NLGN1: variants seen among roughly 807,000 people sequenced by gnomAD.
The protein encoded by NLGN1 is neuroligin-1.
NLGN1 carries 12 observed loss-of-function variants against 65.5 expected under a neutral mutation model. The observed-to-expected ratio is 0.18, with a 90% CI of 0.12 to 0.30. The LOEUF is 0.30. NLGN1 is among the 10% of genes least tolerant of loss of function. The probability of loss-of-function intolerance (pLI) is 1.00; values close to 1 mark genes in which losing one functional copy is unlikely to be tolerated. For synonymous variants in NLGN1, 350 were observed against 359.5 expected, an observed-to-expected ratio of 0.97 and a Z score of 0.30; for missense variants, 750 against 1,007.1, an observed-to-expected ratio of 0.74 and a Z score of 3.46.
chr3:173,942,321 T>G (rs905309892), intron 4 of NLGN1, among the ~76,000 whole-genome samples: 1 of 152,058 alleles, frequency 6.6e-6, no homozygotes, highest in African/African-American at 2.4e-5. Context: ...CTTAATTAAT[T>G]TATAAAAGTA....
chr3:173,815,255 C>T (rs188985922), intron 4 of NLGN1, among the ~76,000 whole-genome samples: 69 of 152,058 alleles, frequency 4.5e-4, no homozygotes, highest in African/African-American at 1.7e-3. Flanking sequence ...CTACAGGCGC[C>T]TGCCACCACA....
chr3:173,700,849 G>A (rs1767035169), intron 3 of NLGN1, among the ~76,000 whole-genome samples: 1 of 152,190 alleles, frequency 6.6e-6, no homozygotes, highest in Non-Finnish European at 1.5e-5. Flanking sequence ...AGAAAGGCCG[G>A]GCACGGTGGC....
At chr3:173,768,673 C>T (rs10936771) in intron 3 of NLGN1, among the ~76,000 whole-genome samples, 121,941 of 152,164 alleles carry the variant, frequency 0.8, 49,608 homozygotes, top group Non-Finnish European at 0.84. Flanking sequence ...TTCTTTCACT[C>T]TTCAAACGCA....
rs540899452 is a variant in NLGN1, at chr3:173,500,878, T to G, written c.-321+65800T>G. 2.6e-5 allele frequency among the ~76,000 whole-genome samples: 4 copies of G among 152,222 alleles called. No homozygotes were observed. In the South Asian group the frequency reaches 8.3e-4, roughly 32 times the overall value. On this transcript the variant is annotated intron_variant, in intron 2 of 6. Coordinates refer to ENST00000457714, the Ensembl canonical transcript of NLGN1. Reference sequence around the variant, plus strand: ...AGCCCATATAATGGTGTTAATTGAGTAACTGCTTTTATTCTTTGCTAATCT... The same window carrying G: ...AGCCCATATAATGGTGTTAATTGAGGAACTGCTTTTATTCTTTGCTAATCT...
intron 3 of NLGN1, among the ~76,000 whole-genome samples, chr3:173,752,598 T>C (rs930649897): frequency 7.2e-5 from 11 of 152,276 alleles, no homozygotes; most frequent in African/African-American, 2.6e-4. Context: ...GTTATTTTCT[T>C]ACCTATAGCT....
chr3:173,784,459 G>A (rs1305380510), intron 3 of NLGN1, among the ~76,000 whole-genome samples: 1 of 152,108 alleles, frequency 6.6e-6, no homozygotes, highest in Non-Finnish European at 1.5e-5. Context: ...ACAGAGGGAA[G>A]TGGCCACACT....
intron 4 of NLGN1, among the ~76,000 whole-genome samples, chr3:173,989,880 C>T (rs1431452413): frequency 6.6e-6 from 1 of 152,160 alleles, no homozygotes; most frequent in African/African-American, 2.4e-5. Flanking sequence ...TCTCAGAGCA[C>T]TCTCTTATCA....
chr3:174,066,564 C>CTG (rs761468491), intron 4 of NLGN1, among the ~76,000 whole-genome samples: 1,681 of 99,786 alleles, frequency 0.017, 64 homozygotes, highest in East Asian at 0.047. Context: ...CTCTCTCTCT[C>CTG]TGTGTGTGTG....
chr3:174,233,319 A>G (rs1741076818), intron 4 of NLGN1, among the ~76,000 whole-genome samples: 2 of 151,952 alleles, frequency 1.3e-5, no homozygotes, highest in African/African-American at 4.8e-5. Flanking sequence ...CCTCGTCTCT[A>G]TTAAAAATAT....
In NLGN1 at chr3:174,279,534, T is replaced by C. The variant is rs1368760020; in HGVS notation, c.1533T>C (p.Tyr511=). 2 of 1,613,188 alleles carry C rather than the reference T, an allele frequency of 1.2e-6. No homozygotes were observed. The highest frequency in any genetic ancestry group is 1.7e-6 in the Non-Finnish European group (2 of 1,179,520). Residue 511 remains tyrosine, a synonymous_variant, in exon 6 of 7, where the codon TAT becomes TAC. Coordinates refer to ENST00000457714, the Ensembl canonical transcript of NLGN1. This position sits in a 1 kb window ranked among gnomAD's most constrained non-coding sequence, Gnocchi z 4.7. ...CAGCCCACGGAGACGAGGTTCCCTA[T>C]GTACTGGGAATCCCCATGATTGGCC... is the stretch of plus-strand genomic sequence containing the variant.
intron 1 of NLGN1, among the ~76,000 whole-genome samples, chr3:173,431,131 T>C (rs1717088436): frequency 6.6e-6 from 1 of 152,178 alleles, no homozygotes; most frequent in Admixed American, 6.6e-5. Context: ...ACTTTCCCTA[T>C]TTCACTAGTA....
At chr3:173,977,738 T>G (rs1717832899) in intron 4 of NLGN1, among the ~76,000 whole-genome samples, 1 of 151,966 alleles carries the variant, frequency 6.6e-6, no homozygotes, top group Non-Finnish European at 1.5e-5. Context: ...GGAGATGCCT[T>G]TAAGATACCC....
chr3:174,289,648 T>C (rs1196382727), downstream of NLGN1, among the ~76,000 whole-genome samples: 1 of 151,152 alleles, frequency 6.6e-6, no homozygotes, highest in African/African-American at 2.4e-5. Context: ...ATAATTAAGA[T>C]GTGAATTTAG....
At chr3:174,078,060 G>GA (rs1741380179) in intron 4 of NLGN1, among the ~76,000 whole-genome samples, 1 of 151,836 alleles carries the variant, frequency 6.6e-6, no homozygotes. Context: ...GTCTACAGAA[G>GA]AAAAAAATCT....
chr3:174,035,973 T>G (rs1731058857), intron 4 of NLGN1, among the ~76,000 whole-genome samples: 1 of 152,134 alleles, frequency 6.6e-6, no homozygotes, highest in Non-Finnish European at 1.5e-5. Flanking sequence ...ATAGACAATA[T>G]ATTACTTGGT....
At chr3:174,266,196 TCACC>T (rs1748199712) in intron 4 of NLGN1, among the ~76,000 whole-genome samples, 1 of 151,992 alleles carries the variant, frequency 6.6e-6, no homozygotes, top group Non-Finnish European at 1.5e-5. Context: ...TTTTCAATCT[TCACC>T]CTCCCCCTAG....
intron 3 of NLGN1, among the ~76,000 whole-genome samples, chr3:173,700,434 T>C (rs1488658495): frequency 1.3e-5 from 2 of 152,242 alleles, no homozygotes; most frequent in Non-Finnish European, 2.9e-5. Flanking sequence ...TAATGTACTT[T>C]GTACTCTACA....
At chr3:174,077,973 C>G (rs1241910905) in intron 4 of NLGN1, among the ~76,000 whole-genome samples, 1 of 151,938 alleles carries the variant, frequency 6.6e-6, no homozygotes. Flanking sequence ...ATACTGTTTC[C>G]TGGGAGGTGG....
At chr3:173,890,219 A>G (rs991006275) in intron 4 of NLGN1, among the ~76,000 whole-genome samples, 1 of 152,172 alleles carries the variant, frequency 6.6e-6, no homozygotes, top group Non-Finnish European at 1.5e-5. Flanking sequence ...CCATTAACAC[A>G]GAGAACTCTT....
Sources: gnomAD v4.1 joint callset for allele counts (sites outside exome capture counted in the v4.1 genomes callset) on GRCh38, gnomAD v4.1.1 for gene constraint, Gnocchi (gnomAD v3.1) non-coding constraint, MANE v1.5 for transcripts, NCBI Gene and HGNC (gene_info 2026-07-23, HGNC 2026-07-21) for gene names.